The following CLASP2 variants were observed in gnomAD, a reference collection of about 807,000 sequenced individuals.
CLASP2 encodes CLIP-associating protein 2.
CLASP2 carries 47 observed loss-of-function variants against 194.4 expected under a neutral mutation model. That is an observed-to-expected ratio of 0.24 (90% CI 0.19 to 0.31). The LOEUF (loss-of-function observed/expected upper bound fraction) is 0.31. Among genes scored for constraint, CLASP2 ranks in the 10% least tolerant of loss-of-function variants. The pLI is 1.00. For synonymous variants in CLASP2, 619 were observed against 633.5 expected (o/e 0.98, Z 0.34); for missense variants, 1,445 against 1,823.6 (o/e 0.79, Z 3.78).
chr3:33,521,296 A>G (rs2053011726), intron 34 of CLASP2, among the ~76,000 whole-genome samples: 1 of 152,228 alleles, frequency 6.6e-6, no homozygotes, highest in Non-Finnish European at 1.5e-5. Flanking sequence ...AAATATTAGT[A>G]TCTCCTGATA....
chr3:33,632,226 G>A, intron 9 of CLASP2, 66 bp downstream of exon 9: 5 of 995,444 alleles, frequency 5.0e-6, no homozygotes. Flanking sequence ...AAAAGGGACA[G>A]AGACAAATAA....
chr3:33,582,050 G>A, intron 22 of CLASP2, 122 bp from the exon 23 acceptor site: 2 of 619,842 alleles, frequency 3.2e-6, no homozygotes, highest in Non-Finnish European at 5.8e-6. Context: ...TTCTAAGGCT[G>A]AAAAGAAATT....
chr3:33,521,912 C>T (rs2053216264), intron 34 of CLASP2, among the ~76,000 whole-genome samples: 1 of 152,188 alleles, frequency 6.6e-6, no homozygotes, highest in African/African-American at 2.4e-5. Context: ...CCTTGACAGG[C>T]AGCTGTGCAC....
intron 6 of CLASP2, among the ~76,000 whole-genome samples, chr3:33,678,466 T>G (rs2089236928): frequency 6.6e-6 from 1 of 152,172 alleles, no homozygotes; most frequent in Non-Finnish European, 1.5e-5. Context: ...AAGTGAAATA[T>G]TTAAAGTGTT....
At chr3:33,561,932 CT>C (rs1331997273) in intron 27 of CLASP2, among the ~76,000 whole-genome samples, 1 of 152,080 alleles carries the variant, frequency 6.6e-6, no homozygotes, top group Non-Finnish European at 1.5e-5. Context: ...AAATTATTAA[CT>C]TTTCAAGTTA....
At chr3:33,681,790 T>A (rs576876665) in intron 6 of CLASP2, among the ~76,000 whole-genome samples, 1 of 152,338 alleles carries the variant, frequency 6.6e-6, no homozygotes, top group East Asian at 1.9e-4. Context: ...AGCTGAAATC[T>A]GATCTCTAAC....
At chr3:33,549,457 T>C (rs148263733) in intron 30 of CLASP2, among the ~76,000 whole-genome samples, 3 of 152,312 alleles carry the variant, frequency 2.0e-5, no homozygotes, top group African/African-American at 4.8e-5. Flanking sequence ...TCTTAGTGTA[T>C]TTTCTTATTT....
intron 34 of CLASP2, among the ~76,000 whole-genome samples, chr3:33,524,587 G>GCTGCAGTAAGCCATGATTGAGTCA (rs528364950): frequency 0.018 from 2,670 of 152,156 alleles, 73 homozygotes; most frequent in African/African-American, 0.061. Flanking sequence ...ACAAGTTGAG[G>GCTGCAGTAAGCCATGATTGAGTCA]CTGCAGTAAG....
rs748487007 is a variant in CLASP2, at chr3:33,644,792, C to T, written c.827G>A (p.Arg276Lys). ...AGGGCCACCTGCTGAACCAGGCTTC[C>T]TTGCACTGTTGGCAGGATTTCCGGA... ...KTSGNPANSA[R>K]KPGSAGGPKV... Residue 276 changes from arginine to lysine, a missense_variant, in exon 8 of 39, where the codon AGG becomes AAG. Physicochemically the swap from Arg to Lys is conservative, Grantham distance 26. Transcript: ENST00000682230. 2.5e-6 allele frequency: 4 copies of T among 1,613,414 alleles called. No individual in the cohort carries two copies. In the South Asian group the frequency reaches 4.4e-5, roughly 18 times the overall value.
In CLASP2 at chr3:33,570,955, C is replaced by T. The variant is rs1008400409; in HGVS notation, c.2700-165G>A. Among the ~76,000 whole-genome samples the T allele has an allele frequency of 2.4e-4, 36 of 148,998 alleles. 1 individual carries two copies. Among genetic ancestry groups the T allele is most frequent in the Admixed American group, 1.3e-3 (19 of 14,962 alleles). On this transcript the variant is annotated intron_variant, in intron 25 of 38. Coordinates refer to ENST00000682230, the MANE Select transcript of CLASP2 (RefSeq NM_001365631.1). ...TTTTGGGAGGCTGAGGTGAGAGGCTCGCTTGAGCCCAGGAGTTCAAGATCA... is the reference window on the plus strand; with the variant it reads ...TTTTGGGAGGCTGAGGTGAGAGGCTTGCTTGAGCCCAGGAGTTCAAGATCA...
rs77240926 is a variant in CLASP2, at chr3:33,595,590, G to A, written c.1949-622C>T. Among the ~76,000 whole-genome samples, 199 of 151,912 alleles carry A rather than the reference G, an allele frequency of 1.3e-3. 6 individuals are homozygous for A. The East Asian group carries it at 0.037, about 28-fold the overall frequency. Reference sequence around the variant, plus strand: ...CATCATAACTCACTACTACTAAAGCGCAATAATATACGTCTGTGTATTTTT... The same window carrying A: ...CATCATAACTCACTACTACTAAAGCACAATAATATACGTCTGTGTATTTTT... On this transcript the variant is annotated intron_variant, in intron 19 of 38. Coordinates refer to ENST00000682230, the MANE Select transcript of CLASP2 (RefSeq NM_001365631.1).
rs2045963180 is a variant in CLASP2, at chr3:33,497,631, A to G, written c.*1000T>C. On this transcript the variant is annotated 3_prime_UTR_variant, in exon 39 of 39. Coordinates refer to ENST00000682230, the MANE Select transcript of CLASP2 (RefSeq NM_001365631.1). ...CAGGATCAATATTTTCAAGTAAGAC[A>G]ATTTCATGGTAAAAGGAAACCAGGT... The G allele has an allele frequency of 6.6e-6, 1 of 152,598 alleles. No homozygotes were observed. Among genetic ancestry groups the G allele is most frequent in the Non-Finnish European group, 1.5e-5 (1 of 68,032 alleles). The allele number at this position is 152,598 out of a possible 1,614,324, so 9.5% of individuals were successfully genotyped here.
At chr3:33,552,750 A>C (rs898815453) in intron 29 of CLASP2, among the ~76,000 whole-genome samples, 2 of 152,124 alleles carry the variant, frequency 1.3e-5, no homozygotes, top group African/African-American at 4.8e-5. Flanking sequence ...AAAAATCCCA[A>C]ATATAACACA....
chr3:33,571,014 A>ATTTTTTTTTTTTTTTTTTTT lies in CLASP2; in HGVS notation c.2700-225_2700-224insAAAAAAAAAAAAAAAAAAAA, dbSNP rs1276472825. On this transcript the variant is annotated intron_variant, in intron 25 of 38. Coordinates refer to ENST00000682230, the MANE Select transcript of CLASP2 (RefSeq NM_001365631.1). ...AAGATGGCAAGATCCTGTCTCTATA[A>ATTTTTTTTTTTTTTTTTTTT]ATTTTTTTTTTTTTTTTTTGAGACG... is the stretch of plus-strand genomic sequence containing the variant. 2.8e-4 allele frequency among the ~76,000 whole-genome samples: 36 copies of ATTTTTTTTTTTTTTTTTTTT among 127,742 alleles called. 1 individual carries two copies. The highest frequency in any genetic ancestry group is 5.0e-4 in the Non-Finnish European group (30 of 60,588). 83.8% of individuals were successfully genotyped at this position (127,742 alleles called of 152,430 possible).
chr3:33,665,147 T>C (rs899195833), intron 6 of CLASP2, among the ~76,000 whole-genome samples: 3 of 150,260 alleles, frequency 2.0e-5, no homozygotes, highest in Non-Finnish European at 3.0e-5. Flanking sequence ...TTCGGAGAGC[T>C]GTTTGAGAAA....
chr3:33,612,257 C>G (rs920883130), intron 12 of CLASP2, among the ~76,000 whole-genome samples, 186 bp from the exon 13 acceptor site: 2 of 152,150 alleles, frequency 1.3e-5, no homozygotes, highest in Non-Finnish European at 2.9e-5. Context: ...AATGATGATA[C>G]AGTTTCAAAA....
chr3:33,552,112 T>C (rs1351788569), intron 29 of CLASP2, among the ~76,000 whole-genome samples: 4 of 148,172 alleles, frequency 2.7e-5, no homozygotes, highest in Non-Finnish European at 5.9e-5. Flanking sequence ...TGTGTGGGTT[T>C]ATAATTTTTT....
chr3:33,573,933 ATTAT>A (rs1460002736), intron 24 of CLASP2, among the ~76,000 whole-genome samples: 1 of 152,148 alleles, frequency 6.6e-6, no homozygotes, highest in Non-Finnish European at 1.5e-5. Flanking sequence ...TTAGTCTACT[ATTAT>A]TTTAAGGAGG....
chr3:33,598,773 A>G (rs913218055), intron 18 of CLASP2, among the ~76,000 whole-genome samples: 9 of 152,190 alleles, frequency 5.9e-5, no homozygotes, highest in East Asian at 1.9e-4. Context: ...CATTGAAACT[A>G]TATTTTCTTT....
Sources: gnomAD v4.1 joint callset for allele counts (sites outside exome capture counted in the v4.1 genomes callset) on GRCh38, gnomAD v4.1.1 for gene constraint, MANE v1.5 for transcripts, NCBI Gene and HGNC (gene_info 2026-07-23, HGNC 2026-07-21) for gene names.